HTR3B: variants seen among roughly 807,000 people sequenced by gnomAD.
HTR3B encodes the protein 5-hydroxytryptamine receptor 3B, also known as 5-hydroxytryptamine (serotonin) receptor 3B, ionotropic.
A neutral mutation model predicts 42.8 loss-of-function variants in HTR3B; 44 were observed. That is an observed-to-expected ratio of 1.03 (90% CI 0.81 to 1.32). The LOEUF is 1.32. Among genes scored for constraint, HTR3B ranks in the 40% most tolerant of loss-of-function variants. The pLI is 0.00. For missense variants in HTR3B, 527 were observed against 536.5 expected (o/e 0.98, Z 0.17); for synonymous variants, 203 against 209.0 (o/e 0.97, Z 0.25).
chr11:113,920,371 TTTTG>T (rs1209678685), intron 2 of HTR3B, among the ~76,000 whole-genome samples: 1 of 138,100 alleles, frequency 7.2e-6, no homozygotes, highest in Non-Finnish European at 1.6e-5. Flanking sequence ...TTTCCCAGTT[TTTTG>T]TTTGTTTGTT....
intron 7 of HTR3B, among the ~76,000 whole-genome samples, 181 bp downstream of exon 7, chr11:113,943,373 A>G: frequency 6.6e-6 from 1 of 152,080 alleles, no homozygotes; most frequent in East Asian, 1.9e-4. Flanking sequence ...TTTACTAAAA[A>G]TTTTAAAAAT....
rs558133627 is a variant in HTR3B at position 113,941,216 on chromosome 11, G to C, written c.697-1766G>C. On this transcript the variant is annotated intron_variant, in intron 6 of 8. Transcript: ENST00000260191. ...TTTTTGTCCAAATCCAACAGCAAAG[G>C]GTCCAGAATACTCATTTGTTTAATA... 2.1e-3 allele frequency among the ~76,000 whole-genome samples: 317 copies of C among 152,272 alleles called. 3 individuals are homozygous for C. The highest frequency in any genetic ancestry group is 2.7e-3 in the Non-Finnish European group (181 of 68,026).
chr11:113,918,522 T>C (rs1034857320), intron 2 of HTR3B, among the ~76,000 whole-genome samples: 7 of 152,104 alleles, frequency 4.6e-5, no homozygotes, highest in South Asian at 2.1e-4. Context: ...ACCTTTGAGA[T>C]TGGCTTTTTT....
At chr11:113,910,905 C>T (rs1949786179) in intron 2 of HTR3B, among the ~76,000 whole-genome samples, 1 of 151,076 alleles carries the variant, frequency 6.6e-6, no homozygotes, top group South Asian at 2.1e-4. Flanking sequence ...TCTCTGCTCA[C>T]TGCAAGCTCC....
At chr11:113,927,351 T>C (rs1949985516) in intron 2 of HTR3B, among the ~76,000 whole-genome samples, 1 of 152,178 alleles carries the variant, frequency 6.6e-6, no homozygotes, top group African/African-American at 2.4e-5. Context: ...GTGGGACAGC[T>C]TGGTAACTTA....
At chr11:113,911,604 G>T (rs1949794477) in intron 2 of HTR3B, among the ~76,000 whole-genome samples, 1 of 152,006 alleles carries the variant, frequency 6.6e-6, no homozygotes, top group Non-Finnish European at 1.5e-5. Flanking sequence ...TTGGCTCACT[G>T]CAACCTCCGC....
At chr11:113,925,821 AC>A (rs2137511868) in intron 2 of HTR3B, among the ~76,000 whole-genome samples, 1 of 152,338 alleles carries the variant, frequency 6.6e-6, no homozygotes, top group African/African-American at 2.4e-5. Context: ...GTCTTAAAAA[AC>A]AATTGCCCTT....
At chr11:113,936,887 C>A (rs1275157035) in intron 6 of HTR3B, among the ~76,000 whole-genome samples, 1 of 152,102 alleles carries the variant, frequency 6.6e-6, no homozygotes, top group Non-Finnish European at 1.5e-5. Context: ...AACCTTGGGG[C>A]CTATTCCATC....
Position 113,931,690 on chromosome 11 carries a change from CTT to C in HTR3B, c.259-66_259-65del, listed in dbSNP as rs1033898623. 20 of 935,796 alleles carry C rather than the reference CTT, an allele frequency of 2.1e-5. 1 individual carries two copies. The African/African-American group carries it at 2.9e-4, about 14-fold the overall frequency. 58.0% of individuals were successfully genotyped at this position (935,796 alleles called of 1,614,324 possible). A position where few individuals can be genotyped will look rare whatever the true frequency, so the allele number is the denominator to read the frequency against. ...AATTGGATTATTAATCCAAATGCCTCTTTAGTTCTTTAGCGAAGTAGATATTG... is the reference window on the plus strand; with the variant it reads ...AATTGGATTATTAATCCAAATGCCTCTAGTTCTTTAGCGAAGTAGATATTG... On this transcript the variant is annotated intron_variant, in intron 3 of 8. Coordinates refer to ENST00000260191, the MANE Select transcript of HTR3B (RefSeq NM_006028.5).
At chr11:113,923,182 C>G (rs1949933081) in intron 2 of HTR3B, among the ~76,000 whole-genome samples, 1 of 152,206 alleles carries the variant, frequency 6.6e-6, no homozygotes, top group South Asian at 2.1e-4. Flanking sequence ...AAAAATCACT[C>G]ACAGATTCTG....
intron 1 of HTR3B, among the ~76,000 whole-genome samples, chr11:113,908,525 C>G (rs912492234): frequency 9.9e-5 from 15 of 152,208 alleles, no homozygotes; most frequent in African/African-American, 3.6e-4. Flanking sequence ...TATCTTTTTG[C>G]AATTCAGAGA....
At position 113,945,485 on chromosome 11, in the gene HTR3B, A is replaced by G. The variant is rs1591590538; in HGVS notation, c.1091-417A>G. ...TTTAACCAGTTACCCAAAGTGACTGAGCCATTGATTTCAGAATAGCACAGT... is the reference window on the plus strand; with the variant it reads ...TTTAACCAGTTACCCAAAGTGACTGGGCCATTGATTTCAGAATAGCACAGT... On this transcript the variant is annotated intron_variant, in intron 8 of 8. Coordinates refer to ENST00000260191, the MANE Select transcript of HTR3B (RefSeq NM_006028.5). Among the ~76,000 whole-genome samples the G allele has an allele frequency of 5.9e-5, 9 of 152,312 alleles. No individual in the cohort carries two copies. The South Asian group carries it at 1.9e-3, about 32-fold the overall frequency.
At chr11:113,908,424 G>A (rs1002393249) in intron 1 of HTR3B, among the ~76,000 whole-genome samples, 2 of 152,180 alleles carry the variant, frequency 1.3e-5, no homozygotes, top group Non-Finnish European at 2.9e-5. Flanking sequence ...TTTCACTCAC[G>A]CACTTTGTCA....
At chr11:113,910,589 C>A (rs932018823) in intron 2 of HTR3B, among the ~76,000 whole-genome samples, 2 of 151,694 alleles carry the variant, frequency 1.3e-5, no homozygotes, top group African/African-American at 4.8e-5. Flanking sequence ...TACAGGCATG[C>A]GCCACCACGC....
intron 8 of HTR3B, among the ~76,000 whole-genome samples, 168 bp downstream of exon 8, chr11:113,944,923 G>A (rs1267804394): frequency 6.6e-6 from 1 of 152,192 alleles, no homozygotes; most frequent in Non-Finnish European, 1.5e-5. Context: ...ACTGAAGGCT[G>A]CCTGCTTCTG....
At chr11:113,931,204 G>A (rs1443026730) in intron 2 of HTR3B, among the ~76,000 whole-genome samples, 180 bp from the exon 3 acceptor site, 2 of 149,644 alleles carry the variant, frequency 1.3e-5, no homozygotes, top group Admixed American at 6.8e-5. Flanking sequence ...CATAGCGACA[G>A]GTGTGCATAA....
chr11:113,931,906 G>A (rs777751502), intron 4 of HTR3B, 39 bp downstream of exon 4: 28 of 1,184,780 alleles, frequency 2.4e-5, no homozygotes, highest in Non-Finnish European at 3.3e-5. Flanking sequence ...GGTTTAGACT[G>A]CTTGGTATAG....
chr11:113,921,519 T>C (rs531732235), intron 2 of HTR3B, among the ~76,000 whole-genome samples: 2 of 148,310 alleles, frequency 1.3e-5, no homozygotes, highest in African/African-American at 5.0e-5. Flanking sequence ...GATGGGAGGC[T>C]GAGGCAGGAG....
chr11:113,910,632 G>C (rs1005003786), intron 2 of HTR3B, among the ~76,000 whole-genome samples: 4 of 151,176 alleles, frequency 2.6e-5, no homozygotes, highest in African/African-American at 9.7e-5. Flanking sequence ...GTAGAGACGG[G>C]GTTTCACCTG....
Sources: allele counts gnomAD v4.1 joint callset (sites outside exome capture counted in the v4.1 genomes callset), GRCh38; gene constraint gnomAD v4.1.1; transcripts MANE v1.5; gene names NCBI Gene and HGNC (gene_info 2026-07-23, HGNC 2026-07-21).